Variants in STUM observed in about 807,000 individuals in gnomAD.
STUM encodes the protein protein stum homolog.
STUM carries 8 observed loss-of-function variants against 15.3 expected under a neutral mutation model. The observed-to-expected ratio is 0.52, with a 90% CI of 0.31 to 0.94. The LOEUF is 0.94. Among genes scored for constraint, STUM ranks in the 40% least tolerant of loss-of-function variants. The probability of loss-of-function intolerance (pLI) is 0.05; values close to 1 mark genes in which losing one functional copy is unlikely to be tolerated. For synonymous variants in STUM, 78 were observed against 88.7 expected, an observed-to-expected ratio of 0.88 and a Z score of 0.68; for missense variants, 142 against 204.9, an observed-to-expected ratio of 0.69 and a Z score of 1.87.
chr1:226,575,310 T>C (rs1279554796), intron 1 of STUM, among the ~76,000 whole-genome samples: 1 of 152,226 alleles, frequency 6.6e-6, no homozygotes, highest in African/African-American at 2.4e-5. Context: ...AGATAGATAG[T>C]GTGGTGGGAA....
chr1:226,551,133 C>G (rs367950044), intron 1 of STUM, among the ~76,000 whole-genome samples: 2 of 152,008 alleles, frequency 1.3e-5, no homozygotes, highest in South Asian at 2.1e-4. Flanking sequence ...TGCACAGGCT[C>G]CTGCTCCTCT....
chr1:226,587,214 C>T lies in STUM; in HGVS notation c.203-9588C>T, dbSNP rs930656290. 1.7e-4 allele frequency among the ~76,000 whole-genome samples: 26 copies of T among 152,174 alleles called. No homozygotes were observed. The South Asian group carries it at 2.3e-3, about 13-fold the overall frequency. Reference sequence around the variant, plus strand: ...CACAGGGAAGCTGATGCACACCCGGCGCCACTAAAATTAATTATTAGCTCC... The same window carrying T: ...CACAGGGAAGCTGATGCACACCCGGTGCCACTAAAATTAATTATTAGCTCC... On this transcript the variant is annotated intron_variant, in intron 1 of 3. Coordinates refer to ENST00000366788, the MANE Select transcript of STUM (RefSeq NM_001003665.4).
chr1:226,557,815 G>C (rs1278182283), intron 1 of STUM, among the ~76,000 whole-genome samples: 1 of 152,198 alleles, frequency 6.6e-6, no homozygotes. Context: ...TCCCTAGGAT[G>C]CCAGAATGGT....
intron 1 of STUM, among the ~76,000 whole-genome samples, chr1:226,555,951 G>A (rs1333433349): frequency 2.6e-5 from 4 of 152,142 alleles, no homozygotes; most frequent in South Asian, 2.1e-4. Context: ...CATTTAACCC[G>A]ATATATTCAA....
At chr1:226,578,359 C>CTTTTTTT (rs34568214) in intron 1 of STUM, among the ~76,000 whole-genome samples, 1 of 67,258 alleles carries the variant, frequency 1.5e-5, no homozygotes, top group Non-Finnish European at 2.6e-5. Flanking sequence ...CAACCCCCAG[C>CTTTTTTT]TTTTTTTTTT....
rs560249539 is a variant in STUM, at chr1:226,567,154, C to T, written c.202+18048C>T. Among the ~76,000 whole-genome samples, 5 of 152,200 alleles carry T rather than the reference C, an allele frequency of 3.3e-5. No homozygotes were observed. Among genetic ancestry groups the T allele is most frequent in the Non-Finnish European group, 5.9e-5 (4 of 68,018 alleles). The stretch of plus-strand genomic sequence containing the variant: ...GATGAAGCCAGTAGGGTGGTGAGGC[C>T]GGGGCACCTGCTCTGCTAATCAACA... On this transcript the variant is annotated intron_variant, in intron 1 of 3. Transcript: ENST00000366788. This position sits in a 1 kb window ranked among gnomAD's most constrained non-coding sequence, Gnocchi z 4.5.
chr1:226,573,290 T>C (rs1667749370), intron 1 of STUM, among the ~76,000 whole-genome samples: 1 of 152,234 alleles, frequency 6.6e-6, no homozygotes, highest in Non-Finnish European at 1.5e-5. Context: ...ACAGGCTTGT[T>C]GCCATAAGTG....
intron 1 of STUM, among the ~76,000 whole-genome samples, chr1:226,579,164 G>C (rs1667872057): frequency 6.6e-6 from 1 of 152,202 alleles, no homozygotes; most frequent in Non-Finnish European, 1.5e-5. Context: ...TTCTTTGAGA[G>C]AAGCATGGTG....
At chr1:226,574,972 T>G (rs12065556) in intron 1 of STUM, among the ~76,000 whole-genome samples, 10,345 of 152,186 alleles carry the variant, frequency 0.068, 442 homozygotes, top group South Asian at 0.22. Flanking sequence ...CGAGCAGGGC[T>G]GGGGTCATAT....
chr1:226,572,354 A>C (rs78329248), intron 1 of STUM, among the ~76,000 whole-genome samples: 8,175 of 152,264 alleles, frequency 0.054, 266 homozygotes, highest in African/African-American at 0.086. Flanking sequence ...ACAAGTATGC[A>C]TTGTTGAAAG....
intron 1 of STUM, among the ~76,000 whole-genome samples, chr1:226,582,423 T>C (rs978352306): frequency 6.6e-6 from 1 of 151,976 alleles, no homozygotes; most frequent in African/African-American, 2.4e-5. Context: ...TAAGACCCCA[T>C]CTGTACTAAA....
intron 1 of STUM, among the ~76,000 whole-genome samples, chr1:226,569,561 G>T (rs1667674443): frequency 6.6e-6 from 1 of 152,206 alleles, no homozygotes; most frequent in African/African-American, 2.4e-5. Context: ...AATCCCTTGG[G>T]ACGCTTGGTA....
At chr1:226,601,173 C>T (rs964232538) in intron 3 of STUM, among the ~76,000 whole-genome samples, 1 of 152,104 alleles carries the variant, frequency 6.6e-6, no homozygotes, top group Non-Finnish European at 1.5e-5. Context: ...GCCTCCCAGG[C>T]TGGAGTGCAG....
intron 1 of STUM, among the ~76,000 whole-genome samples, chr1:226,585,146 A>G (rs1465208517): frequency 6.6e-6 from 1 of 152,230 alleles, no homozygotes; most frequent in African/African-American, 2.4e-5. Context: ...TGAGGCTGAC[A>G]TGGTGAACTT....
intron 1 of STUM, among the ~76,000 whole-genome samples, chr1:226,588,076 T>A (rs1668024357): frequency 6.6e-6 from 1 of 152,200 alleles, no homozygotes; most frequent in Non-Finnish European, 1.5e-5. Context: ...TGTGTGGATG[T>A]TCAGGATGAT....
At chr1:226,601,897 C>A in intron 3 of STUM, 109 bp from the exon 4 acceptor site, 2 of 856,178 alleles carry the variant, frequency 2.3e-6, no homozygotes, top group East Asian at 2.6e-5. Flanking sequence ...TCATTTACAC[C>A]TTAGTATAAA....
intron 1 of STUM, among the ~76,000 whole-genome samples, chr1:226,587,573 G>T (rs893425985): frequency 6.6e-6 from 1 of 152,148 alleles, no homozygotes; most frequent in East Asian, 1.9e-4. Flanking sequence ...CGCATTTGCC[G>T]GAGAACCCTT....
intron 1 of STUM, among the ~76,000 whole-genome samples, chr1:226,577,262 G>A (rs188473889): frequency 7.2e-5 from 11 of 152,156 alleles, no homozygotes; most frequent in Non-Finnish European, 1.3e-4. Context: ...TCCCTTCTTG[G>A]GACTGCTCTC....
intron 2 of STUM, among the ~76,000 whole-genome samples, chr1:226,598,171 A>G (rs1558287976): frequency 6.6e-6 from 1 of 152,180 alleles, no homozygotes; most frequent in South Asian, 2.1e-4. Context: ...ATAGGAAGGA[A>G]GTGCTGCCAG....
Sources: allele counts gnomAD v4.1 joint callset (sites outside exome capture counted in the v4.1 genomes callset), GRCh38; gene constraint gnomAD v4.1.1; non-coding constraint Gnocchi (gnomAD v3.1); transcripts MANE v1.5; gene names NCBI Gene and HGNC (gene_info 2026-07-23, HGNC 2026-07-21).